Variants in PTPRN2 observed in about 807,000 individuals in gnomAD.
The protein encoded by PTPRN2 is protein tyrosine phosphatase receptor type N2, also known as receptor-type tyrosine-protein phosphatase N2.
Under a neutral mutation model 118.8 loss-of-function variants are expected in PTPRN2, and 74 were observed. That is an observed-to-expected ratio of 0.62 (90% CI 0.52 to 0.76). The LOEUF (loss-of-function observed/expected upper bound fraction) is 0.76, where lower values mean the gene tolerates loss of function less well. Ranked by LOEUF, PTPRN2 falls within the 30% of genes least tolerant of loss-of-function variation. The pLI, the probability that PTPRN2 is intolerant of heterozygous loss-of-function variation, is 0.00. For synonymous variants in PTPRN2, 641 were observed against 608.0 expected, an observed-to-expected ratio of 1.05 and a Z score of -0.80; for missense variants, 1,481 against 1,394.4, an observed-to-expected ratio of 1.06 and a Z score of -0.99.
chr7:157,746,145 C>T (rs11974467), intron 12 of PTPRN2, among the ~76,000 whole-genome samples: 3 of 133,774 alleles, frequency 2.2e-5, no homozygotes, highest in Middle Eastern at 7.5e-3. Flanking sequence ...CTCCCTACAC[C>T]CCACAGTCCT....
chr7:158,384,899 G>A (rs1483868868), intron 2 of PTPRN2, among the ~76,000 whole-genome samples: 3 of 152,032 alleles, frequency 2.0e-5, no homozygotes, highest in African/African-American at 7.2e-5. Flanking sequence ...TGGGCTATGC[G>A]CATCAGTAAA....
In PTPRN2 at chr7:158,243,746, C is replaced by A. The variant is rs559327589; in HGVS notation, c.278-38473G>T. 7.2e-5 allele frequency among the ~76,000 whole-genome samples: 11 copies of A among 151,736 alleles called. 1 individual carries two copies. In the South Asian group the frequency reaches 2.3e-3, roughly 32 times the overall value. ...TGTAGTCTCTGCTTAGTACTAGGTA[C>A]CTCCTGAGTCATAGTCTCTGCTAAG... is the stretch of plus-strand genomic sequence containing the variant. On this transcript the variant is annotated intron_variant, in intron 3 of 22. Transcript: ENST00000389418.
At chr7:158,044,003 C>T (rs944389398) in intron 11 of PTPRN2, among the ~76,000 whole-genome samples, 4 of 152,158 alleles carry the variant, frequency 2.6e-5, no homozygotes, top group Admixed American at 6.5e-5. Context: ...GGCCACACGC[C>T]GAGGCTGTGA....
At chr7:158,257,391 T>C (rs958341742) in intron 3 of PTPRN2, among the ~76,000 whole-genome samples, 1 of 152,176 alleles carries the variant, frequency 6.6e-6, no homozygotes, top group Admixed American at 6.5e-5. Flanking sequence ...CTCCTCAGCG[T>C]TACAATGAGA....
rs79782957 is a variant in PTPRN2 at position 158,505,664 on chromosome 7, T to C, written c.113-15879A>G. 2.1e-3 allele frequency among the ~76,000 whole-genome samples: 269 copies of C among 127,686 alleles called. 7 individuals are homozygous for C. The East Asian group carries it at 0.041, about 20-fold the overall frequency. The allele number at this position is 127,686 out of a possible 152,430, so 83.8% of individuals were successfully genotyped here. On this transcript the variant is annotated intron_variant, in intron 1 of 22. Transcript: ENST00000389418. ...TGCCCTGGACAGTGAGAAGAGGGAA[T>C]GGGGAGAGGAAGAGGAAGAAAAGGA...
chr7:158,024,140 C>G lies in PTPRN2; in HGVS notation c.1723+57158G>C, dbSNP rs145890656. Among the ~76,000 whole-genome samples the G allele has an allele frequency of 2.4e-3, 360 of 152,190 alleles. 3 individuals carry two copies. Among genetic ancestry groups the G allele is most frequent in the African/African-American group, 8.4e-3 (350 of 41,504 alleles). On this transcript the variant is annotated intron_variant, in intron 11 of 22. Transcript: ENST00000389418. ...AGCTCTGGGGTAGTGTGAACATGCC[C>G]AGTGCACCCCAACAAAGCTCCGGGA...
intron 11 of PTPRN2, among the ~76,000 whole-genome samples, chr7:158,010,813 ACTC>A (rs776482247): frequency 2.6e-5 from 4 of 152,082 alleles, no homozygotes; most frequent in Non-Finnish European, 5.9e-5. Context: ...GATGACTAAG[ACTC>A]CTCCTTTAAA....
intron 1 of PTPRN2, among the ~76,000 whole-genome samples, chr7:158,568,181 A>G (rs1280188044): frequency 6.6e-6 from 1 of 152,116 alleles, no homozygotes; most frequent in Admixed American, 6.6e-5. Flanking sequence ...TGAGCCCTGG[A>G]GGCAAAGGTT....
rs1054056833 is a variant in PTPRN2 at position 157,929,479 on chromosome 7, C to T, written c.1724-30742G>A. On this transcript the variant is annotated intron_variant, in intron 11 of 22. Transcript: ENST00000389418. This position sits in a 1 kb window ranked among gnomAD's most constrained non-coding sequence, Gnocchi z 4.4. ...ATCGTTTCCCATGCTTAAGCTCAGA[C>T]GCCCACCCAGCACAGCCTCCGCCGC... 1.3e-5 allele frequency among the ~76,000 whole-genome samples: 2 copies of T among 152,124 alleles called. No homozygotes were observed. The highest frequency in any genetic ancestry group is 2.9e-5 in the Non-Finnish European group (2 of 68,026).
In PTPRN2 at chr7:158,138,607, G is replaced by A. The variant is rs138411064; in HGVS notation, c.911-92C>T. 1.0e-3 allele frequency: 1,262 copies of A among 1,226,388 alleles called. 13 individuals carry two copies. The African/African-American group carries it at 0.015, about 15-fold the overall frequency. 76.0% of individuals were successfully genotyped at this position (1,226,388 alleles called of 1,614,324 possible). A position where few individuals can be genotyped will look rare whatever the true frequency, so the allele number is the denominator to read the frequency against. On this transcript the variant is annotated intron_variant, in intron 6 of 22. Transcript: ENST00000389418. ...CCATAGGGGTGTGGTGGGCGTCTGC[G>A]GCGTCCCAAGGCAGTGGCCACCTAG...
Position 158,233,992 on chromosome 7 carries a change from A to G in PTPRN2, c.278-28719T>C, listed in dbSNP as rs138941200. ...GAATCAAAATGGATTAAAGGCTTAA[A>G]TATAAGACCCGAAACTATGAAACCG... On this transcript the variant is annotated intron_variant, in intron 3 of 22. Coordinates refer to ENST00000389418, the MANE Select transcript of PTPRN2 (RefSeq NM_002847.5). Among the ~76,000 whole-genome samples, 861 of 152,352 alleles carry G rather than the reference A, an allele frequency of 5.7e-3. 5 individuals are homozygous for G. The highest frequency in any genetic ancestry group is 0.019 in the African/African-American group (805 of 41,582).
chr7:157,584,608 C>A (rs916758838), intron 17 of PTPRN2, among the ~76,000 whole-genome samples: 3 of 152,238 alleles, frequency 2.0e-5, no homozygotes, highest in African/African-American at 7.2e-5. Flanking sequence ...GGGGCCCACG[C>A]AATTCTGCTG....
chr7:157,815,993 G>A (rs374200306), intron 12 of PTPRN2, among the ~76,000 whole-genome samples: 1 of 152,164 alleles, frequency 6.6e-6, no homozygotes, highest in Non-Finnish European at 1.5e-5. Flanking sequence ...TGTCACCCTC[G>A]TGCAGATGTG....
At chr7:157,970,099 AG>A (rs139913215) in intron 11 of PTPRN2, among the ~76,000 whole-genome samples, 7,576 of 152,172 alleles carry the variant, frequency 0.05, 273 homozygotes, top group South Asian at 0.15. Flanking sequence ...ACACAGGGAA[AG>A]GTAAAAGACA....
intron 3 of PTPRN2, among the ~76,000 whole-genome samples, chr7:158,285,238 C>T (rs143147541): frequency 7.2e-5 from 11 of 152,182 alleles, no homozygotes; most frequent in Non-Finnish European, 1.5e-4. Flanking sequence ...AGGGCACTCG[C>T]GGTCCCATGG....
chr7:158,279,479 T>A (rs1707641899), intron 3 of PTPRN2, among the ~76,000 whole-genome samples: 1 of 151,946 alleles, frequency 6.6e-6, no homozygotes, highest in Admixed American at 6.6e-5. Flanking sequence ...TGGGAGCTCG[T>A]CCCAGACAAC....
chr7:158,387,577 A>AAGCACTCTCTG (rs1586542379), intron 2 of PTPRN2, among the ~76,000 whole-genome samples: 2 of 151,152 alleles, frequency 1.3e-5, no homozygotes, highest in African/African-American at 2.4e-5. Flanking sequence ...CTGTCAGCTC[A>AAGCACTCTCTG]GCTTGGCCCG....
chr7:158,330,780 G>A (rs1179130246), intron 2 of PTPRN2, among the ~76,000 whole-genome samples: 25 of 101,062 alleles, frequency 2.5e-4, no homozygotes, highest in African/African-American at 6.2e-4. Context: ...ACCCGCAGAC[G>A]TCACTCACAC....
At chr7:157,833,974 C>T (rs934495016) in intron 12 of PTPRN2, among the ~76,000 whole-genome samples, 11 of 152,238 alleles carry the variant, frequency 7.2e-5, no homozygotes, top group Non-Finnish European at 1.6e-4. Flanking sequence ...TTCTCTCTGA[C>T]CTGGTGCCGA....
Sources: gnomAD v4.1 joint callset for allele counts (sites outside exome capture counted in the v4.1 genomes callset) on GRCh38, gnomAD v4.1.1 for gene constraint, Gnocchi (gnomAD v3.1) non-coding constraint, MANE v1.5 for transcripts, NCBI Gene and HGNC (gene_info 2026-07-23, HGNC 2026-07-21) for gene names.